HYCC2: variants seen among roughly 807,000 people sequenced by gnomAD.
HYCC2 encodes the protein hyccin 2.
chr2:200,991,272 C>T, the HYCC2 span, among the ~76,000 whole-genome samples: 2 of 152,008 alleles, frequency 1.3e-5, no homozygotes, highest in Non-Finnish European at 2.9e-5. Flanking sequence ...GATTTCAAAA[C>T]CAGCCTGTTC....
At chr2:200,988,323 C>T in the HYCC2 span, 18 of 1,613,664 alleles carry the variant, frequency 1.1e-5, no homozygotes, top group African/African-American at 4.0e-5. Context: ...GAGAAATCCT[C>T]GGCACTGTTG....
the HYCC2 span, chr2:201,024,074 G>A: frequency 2.6e-6 from 3 of 1,171,322 alleles, no homozygotes; most frequent in African/African-American, 4.6e-5. Context: ...GAGGACAGTA[G>A]TACTTATAGG....
At chr2:201,040,158 TGA>T in the HYCC2 span, among the ~76,000 whole-genome samples, 3 of 146,608 alleles carry the variant, frequency 2.0e-5, no homozygotes, top group South Asian at 6.5e-4. Context: ...GGCGACAGAG[TGA>T]GACTCTGTCT....
At chr2:200,974,751 A>C in the HYCC2 span, 2 of 151,996 alleles carry the variant, frequency 1.3e-5, no homozygotes, top group African/African-American at 2.4e-5. Flanking sequence ...TTTCCAAAAA[A>C]AATTATTTAA....
chr2:201,071,128 G>A, the HYCC2 span, among the ~76,000 whole-genome samples: 1 of 152,172 alleles, frequency 6.6e-6, no homozygotes, highest in Non-Finnish European at 1.5e-5. Context: ...ATAATGTACA[G>A]CAATAATGAG....
chr2:200,987,165 CACAA>C, the HYCC2 span, among the ~76,000 whole-genome samples: 1 of 152,144 alleles, frequency 6.6e-6, no homozygotes, highest in African/African-American at 2.4e-5. Context: ...TCCAGGCCAG[CACAA>C]ATAGTAACTA....
the HYCC2 span, chr2:200,992,979 C>G: frequency 6.2e-7 from 1 of 1,613,244 alleles, no homozygotes; most frequent in Admixed American, 1.7e-5. Context: ...TTTCATGTTG[C>G]CGTGGAAAGC....
At chr2:200,981,650 G>T in the HYCC2 span, 1 of 1,614,180 alleles carries the variant, frequency 6.2e-7, no homozygotes, top group Non-Finnish European at 8.5e-7. The surrounding 1 kb of genome is among the most constrained non-coding windows in gnomAD (Gnocchi z 4.5). Flanking sequence ...TACTGCTTGC[G>T]AACTACTGAA....
At chr2:201,045,680 A>C in the HYCC2 span, 1 of 393,424 alleles carries the variant, frequency 2.5e-6, no homozygotes, top group Non-Finnish European at 4.5e-6. Flanking sequence ...AGGCATTTAC[A>C]ATATAGCTTA....
At chr2:201,042,463 G>A in the HYCC2 span, among the ~76,000 whole-genome samples, 1 of 151,622 alleles carries the variant, frequency 6.6e-6, no homozygotes, top group African/African-American at 2.4e-5. Flanking sequence ...CCCCGTCTGA[G>A]ATGTGAAGAG....
chr2:201,043,191 G>C, the HYCC2 span, among the ~76,000 whole-genome samples: 991 of 152,128 alleles, frequency 6.5e-3, 17 homozygotes, highest in African/African-American at 0.023. Flanking sequence ...GATTAAGGGC[G>C]GTGCAAGTTG....
the HYCC2 span, among the ~76,000 whole-genome samples, chr2:201,029,777 C>G: frequency 2.0e-5 from 3 of 151,940 alleles, no homozygotes. Flanking sequence ...CAGGGCCTGT[C>G]ATGAGGTGGG....
At chr2:201,007,902 C>T in the HYCC2 span, among the ~76,000 whole-genome samples, 1 of 152,200 alleles carries the variant, frequency 6.6e-6, no homozygotes, top group African/African-American at 2.4e-5. Flanking sequence ...TTTGTGTTTA[C>T]TGTCATGCAT....
the HYCC2 span, among the ~76,000 whole-genome samples, chr2:201,008,776 T>C: frequency 6.6e-6 from 1 of 152,194 alleles, no homozygotes; most frequent in African/African-American, 2.4e-5. Context: ...TGTACACCTG[T>C]AGTCCTAGCT....
chr2:201,008,056 A>G, the HYCC2 span, among the ~76,000 whole-genome samples: 1 of 152,208 alleles, frequency 6.6e-6, no homozygotes, highest in East Asian at 1.9e-4. Flanking sequence ...CATAACTGTG[A>G]GTATAATGGC....
the HYCC2 span, among the ~76,000 whole-genome samples, chr2:200,982,914 C>G: frequency 2.0e-5 from 3 of 152,110 alleles, no homozygotes; most frequent in East Asian, 3.9e-4. Context: ...TGTGTCACCA[C>G]GCCCAGCTAA....
At chr2:201,000,057 CAAA>C in the HYCC2 span, among the ~76,000 whole-genome samples, 4 of 34,732 alleles carry the variant, frequency 1.2e-4, no homozygotes, top group African/African-American at 1.2e-4. Flanking sequence ...GACTCCGTCT[CAAA>C]AAAAAAAAAA....
At chr2:201,066,105 T>G in the HYCC2 span, among the ~76,000 whole-genome samples, 3 of 151,332 alleles carry the variant, frequency 2.0e-5, no homozygotes, top group Non-Finnish European at 4.4e-5. Context: ...GGAGACAGAG[T>G]CTCACTTCAT....
the HYCC2 span, among the ~76,000 whole-genome samples, chr2:200,998,682 C>G: frequency 2.0e-5 from 3 of 152,266 alleles, no homozygotes; most frequent in South Asian, 6.2e-4. Context: ...TCTGGATGCA[C>G]ATTAGTTATT....
Sources: allele counts gnomAD v4.1 joint callset (sites outside exome capture counted in the v4.1 genomes callset), GRCh38; gene constraint gnomAD v4.1.1; non-coding constraint Gnocchi (gnomAD v3.1); transcripts MANE v1.5; gene names NCBI Gene and HGNC (gene_info 2026-07-23, HGNC 2026-07-21).